Variants in ADAMTSL3 observed in about 807,000 individuals in gnomAD.
The protein encoded by ADAMTSL3 is ADAMTS-like protein 3.
In ADAMTSL3, 128 loss-of-function variants were observed where a neutral mutation model predicts 201.7. That is an observed-to-expected ratio of 0.63 (90% confidence interval 0.55 to 0.73). ADAMTSL3 has a LOEUF of 0.73. Among genes scored for constraint, ADAMTSL3 ranks in the 30% least tolerant of loss-of-function variants. ADAMTSL3 has a pLI of 0.00. For synonymous variants in ADAMTSL3, 738 were observed against 748.4 expected, an observed-to-expected ratio of 0.99 and a Z score of 0.23; for missense variants, 1,990 against 2,119.6, an observed-to-expected ratio of 0.94 and a Z score of 1.20.
chr15:83,773,199 G>A (rs1286195239), intron 3 of ADAMTSL3, among the ~76,000 whole-genome samples: 1 of 152,034 alleles, frequency 6.6e-6, no homozygotes, highest in Non-Finnish European at 1.5e-5. Context: ...ATCACCTGAG[G>A]TTAGGAGTTC....
chr15:83,812,839 A>T (rs889004159), intron 5 of ADAMTSL3, among the ~76,000 whole-genome samples: 7 of 152,238 alleles, frequency 4.6e-5, no homozygotes, highest in East Asian at 1.9e-4. Flanking sequence ...GTGCCATTTC[A>T]TGTATAAATT....
intron 2 of ADAMTSL3, among the ~76,000 whole-genome samples, chr15:83,660,911 T>G (rs1474562570): frequency 6.7e-6 from 1 of 149,830 alleles, no homozygotes; most frequent in Non-Finnish European, 1.5e-5. Flanking sequence ...TTTTATGGTT[T>G]TAGGTCTAAC....
intron 9 of ADAMTSL3, among the ~76,000 whole-genome samples, chr15:83,874,951 C>T (rs1211189845): frequency 1.4e-5 from 2 of 145,450 alleles, no homozygotes; most frequent in Non-Finnish European, 3.0e-5. Context: ...AGCGAGGAAA[C>T]CTCAGAAACT....
At chr15:83,984,330 T>C (rs1420237937) in intron 21 of ADAMTSL3, among the ~76,000 whole-genome samples, 1 of 152,244 alleles carries the variant, frequency 6.6e-6, no homozygotes, top group East Asian at 1.9e-4. Flanking sequence ...CCTTTGTGCA[T>C]TGAGCCTCGT....
intron 3 of ADAMTSL3, among the ~76,000 whole-genome samples, chr15:83,762,374 C>G (rs550154819): frequency 4.6e-5 from 7 of 152,308 alleles, no homozygotes; most frequent in South Asian, 4.1e-4. Flanking sequence ...AGACAACTAT[C>G]TTAGTCAATT....
intron 13 of ADAMTSL3, 79 bp downstream of exon 13, chr15:83,892,967 G>C (rs1159902072): frequency 1.5e-6 from 2 of 1,371,886 alleles, no homozygotes; most frequent in Non-Finnish European, 2.0e-6. Context: ...CATGGTGCTA[G>C]ACAGCATGGA....
In ADAMTSL3 at chr15:83,913,393, G is replaced by C. The variant is rs1336204670; in HGVS notation, c.1987+15G>C. On this transcript the variant is annotated intron_variant, in intron 16 of 29. Transcript: ENST00000286744. ...ATGCGTGGGAGGTATTTGAACCTTT[G>C]CTTAAGGGACAGTTATGTTGTGTGT... 1 of 1,610,054 alleles carries C rather than the reference G, an allele frequency of 6.2e-7. No homozygotes were observed. The highest frequency in any genetic ancestry group is 8.5e-7 in the Non-Finnish European group (1 of 1,179,420).
intron 8 of ADAMTSL3, among the ~76,000 whole-genome samples, chr15:83,861,268 T>A (rs1253061593): frequency 6.6e-6 from 1 of 152,206 alleles, no homozygotes; most frequent in Non-Finnish European, 1.5e-5. Flanking sequence ...AATGTCCCTG[T>A]CTGACAGCTT....
At chr15:83,791,781 A>C (rs2141827127) in intron 4 of ADAMTSL3, among the ~76,000 whole-genome samples, 1 of 151,708 alleles carries the variant, frequency 6.6e-6, no homozygotes, top group South Asian at 2.1e-4. Context: ...AATGGCGTGA[A>C]CCCAGGAGGC....
intron 29 of ADAMTSL3, 27 bp downstream of exon 29, chr15:84,037,014 C>T (rs1183750131): frequency 2.5e-6 from 4 of 1,608,646 alleles, no homozygotes; most frequent in Non-Finnish European, 3.4e-6. Flanking sequence ...GGTATCTCCA[C>T]TGCCCCAGAG....
intron 7 of ADAMTSL3, among the ~76,000 whole-genome samples, chr15:83,850,530 A>G (rs2064591136): frequency 6.6e-6 from 1 of 150,644 alleles, no homozygotes; most frequent in Admixed American, 6.6e-5. Flanking sequence ...ATATATATAT[A>G]GAACACTCTT....
intron 16 of ADAMTSL3, among the ~76,000 whole-genome samples, chr15:83,923,668 G>A (rs2141989241): frequency 6.6e-6 from 1 of 152,294 alleles, no homozygotes; most frequent in South Asian, 2.1e-4. Flanking sequence ...GTAGATTTGG[G>A]AGAGAGGGAG....
intron 3 of ADAMTSL3, among the ~76,000 whole-genome samples, chr15:83,744,205 T>C (rs1212539886): frequency 2.0e-5 from 3 of 152,250 alleles, no homozygotes; most frequent in Admixed American, 6.5e-5. Flanking sequence ...AGTTCATTTA[T>C]ATAGCATACT....
intron 2 of ADAMTSL3, among the ~76,000 whole-genome samples, chr15:83,674,718 C>CATATATATATATACACAT (rs2061373593): frequency 1.6e-5 from 1 of 63,972 alleles, no homozygotes; most frequent in African/African-American, 5.4e-5. Flanking sequence ...TATATACACA[C>CATATATATATATACACAT]ATATATACAT....
At chr15:83,673,390 T>C (rs1223849935) in intron 2 of ADAMTSL3, among the ~76,000 whole-genome samples, 1 of 152,202 alleles carries the variant, frequency 6.6e-6, no homozygotes, top group Non-Finnish European at 1.5e-5. Flanking sequence ...TACTGATTGC[T>C]ATCCTCAGTT....
chr15:83,728,171 A>C (rs1370722382), intron 3 of ADAMTSL3, among the ~76,000 whole-genome samples: 1 of 151,758 alleles, frequency 6.6e-6, no homozygotes, highest in Non-Finnish European at 1.5e-5. Flanking sequence ...GTTTACGTAC[A>C]GCTACCCCTG....
chr15:83,986,824 A>G (rs1452601879), intron 21 of ADAMTSL3, among the ~76,000 whole-genome samples: 2 of 152,238 alleles, frequency 1.3e-5, no homozygotes, highest in East Asian at 3.8e-4. Context: ...GATGGTGCCT[A>G]TAGAAAGATC....
In ADAMTSL3 at chr15:83,970,584, G is replaced by T; in HGVS notation, c.2591G>T (p.Arg864Met). 2 of 1,614,208 alleles carry T rather than the reference G, an allele frequency of 1.2e-6. No homozygotes were observed. Among genetic ancestry groups the T allele is most frequent in the Non-Finnish European group, 1.7e-6 (2 of 1,180,032 alleles). The part of the protein sequence containing the change: ...RRIPLSEMMC[R>M]DLPGLPLVRS... ...ATCCCCCTCAGTGAGATGATGTGCA[G>T]GGATCTACCAGGGCTCCCTCTTGTA... The change falls in exon 20 of 30, where the codon AGG becomes ATG. Residue 864 changes from arginine to methionine, a missense_variant. Coordinates refer to ENST00000286744, the MANE Select transcript of ADAMTSL3 (RefSeq NM_207517.3).
intron 7 of ADAMTSL3, among the ~76,000 whole-genome samples, chr15:83,842,850 T>C (rs1446977221): frequency 6.6e-6 from 1 of 152,104 alleles, no homozygotes; most frequent in Non-Finnish European, 1.5e-5. Context: ...TGGAAGTACG[T>C]AGAGTTAGTG....
Sources: gnomAD v4.1 joint callset for allele counts (sites outside exome capture counted in the v4.1 genomes callset) on GRCh38, gnomAD v4.1.1 for gene constraint, MANE v1.5 for transcripts, NCBI Gene and HGNC (gene_info 2026-07-23, HGNC 2026-07-21) for gene names.